Variants in USP10 observed in about 807,000 individuals in gnomAD.
USP10 encodes the protein ubiquitin specific peptidase 10.
A neutral mutation model predicts 84.5 loss-of-function variants in USP10; 22 were observed. That is an observed-to-expected ratio of 0.26 (90% confidence interval 0.19 to 0.37). USP10 has a LOEUF of 0.37. USP10 is among the 10% of genes least tolerant of loss of function. The pLI is 1.00. For synonymous variants in USP10, 454 were observed against 387.6 expected, an observed-to-expected ratio of 1.17 and a Z score of -2.01; for missense variants, 1,019 against 998.9, an observed-to-expected ratio of 1.02 and a Z score of -0.27.
intron 12 of USP10, among the ~76,000 whole-genome samples, chr16:84,774,560 T>C (rs1914787826): frequency 6.6e-6 from 1 of 151,458 alleles, no homozygotes; most frequent in Non-Finnish European, 1.5e-5. Flanking sequence ...AACCTCTGCC[T>C]CCCGGGTTCA....
intron 2 of USP10, among the ~76,000 whole-genome samples, chr16:84,739,916 A>G (rs117412146): frequency 6.6e-6 from 1 of 152,366 alleles, no homozygotes; most frequent in East Asian, 1.9e-4. Context: ...TAAGAGGTGC[A>G]GTCAGGAAGA....
chr16:84,759,498 T>A (rs563671385), intron 6 of USP10, 26 bp downstream of exon 6: 1 of 1,597,998 alleles, frequency 6.3e-7, no homozygotes, highest in Non-Finnish European at 8.6e-7. Context: ...AAAGATGTGT[T>A]AAGTGGTGGG....
At position 84,724,689 on chromosome 16, in the gene USP10, A is replaced by G. The variant is rs369455508; in HGVS notation, c.22-8746A>G. ...TTAGTTCAGCTTGCAGTTGGCTTGC[A>G]CTGTAATAAAACTGTAAATGTCACC... is the stretch of plus-strand genomic sequence containing the variant. On this transcript the variant is annotated intron_variant, in intron 1 of 13. Transcript: ENST00000219473. Among the ~76,000 whole-genome samples the G allele has an allele frequency of 6.6e-5, 10 of 152,286 alleles. 1 individual carries two copies. Among genetic ancestry groups the G allele is most frequent in the Admixed American group, 5.2e-4 (8 of 15,298 alleles).
intron 2 of USP10, among the ~76,000 whole-genome samples, chr16:84,735,203 G>A (rs369931502): frequency 0.13 from 8,439 of 65,986 alleles, 283 homozygotes; most frequent in Middle Eastern, 0.17. Flanking sequence ...GGTGGTGTGT[G>A]TGTGTGTGTG....
chr16:84,714,480 G>A (rs374200706), intron 1 of USP10, among the ~76,000 whole-genome samples: 4 of 151,602 alleles, frequency 2.6e-5, no homozygotes, highest in African/African-American at 9.7e-5. Context: ...CACCGTGCAC[G>A]GCTTTGCATT....
intron 4 of USP10, among the ~76,000 whole-genome samples, chr16:84,749,342 C>T (rs974936918): frequency 6.6e-6 from 1 of 152,132 alleles, no homozygotes; most frequent in Non-Finnish European, 1.5e-5. Context: ...ATTAAAAGAT[C>T]TGTTGATGTG....
intron 1 of USP10, among the ~76,000 whole-genome samples, chr16:84,728,076 T>C (rs1908744019): frequency 6.6e-6 from 1 of 152,344 alleles, no homozygotes; most frequent in East Asian, 1.9e-4. Context: ...CTCCCCTCTT[T>C]TGATAACATT....
chr16:84,733,614 G>A, intron 2 of USP10, 111 bp downstream of exon 2: 1 of 748,238 alleles, frequency 1.3e-6, no homozygotes, highest in Admixed American at 3.1e-5. Context: ...GAAAAGTATG[G>A]AGACTAATAT....
chr16:84,733,062 C>G (rs1215807417), intron 1 of USP10: 1 of 458,522 alleles, frequency 2.2e-6, no homozygotes, highest in East Asian at 6.9e-5. Context: ...GTATGTTTGG[C>G]AGAGAAAGCG....
intron 6 of USP10, 91 bp downstream of exon 6, chr16:84,759,563 C>T: frequency 1.7e-6 from 2 of 1,191,160 alleles, no homozygotes; most frequent in Non-Finnish European, 2.5e-6. Flanking sequence ...TCTTGATTTC[C>T]TGCAAATGAG....
intron 1 of USP10, among the ~76,000 whole-genome samples, chr16:84,724,685 T>G (rs1474582755): frequency 1.3e-5 from 2 of 152,202 alleles, no homozygotes; most frequent in African/African-American, 4.8e-5. Flanking sequence ...TGCAGTTGGC[T>G]TGCACTGTAA....
At chr16:84,778,629 T>C (rs574897752) in intron 13 of USP10, among the ~76,000 whole-genome samples, 3 of 152,188 alleles carry the variant, frequency 2.0e-5, no homozygotes, top group Non-Finnish European at 4.4e-5. Context: ...TGGGACATTT[T>C]AAATATGTGG....
intron 11 of USP10, among the ~76,000 whole-genome samples, chr16:84,770,607 C>G (rs1914333090): frequency 6.6e-6 from 1 of 151,840 alleles, no homozygotes; most frequent in Non-Finnish European, 1.5e-5. Flanking sequence ...CCCGTCTCTA[C>G]TAAAAATACA....
intron 1 of USP10, among the ~76,000 whole-genome samples, chr16:84,730,531 A>C (rs183358077): frequency 2.8e-3 from 434 of 152,322 alleles, no homozygotes; most frequent in African/African-American, 9.9e-3. Flanking sequence ...GAGAAAAAAA[A>C]CTCAGTGAAC....
At chr16:84,730,976 C>CTTTTTT (rs11401851) in intron 1 of USP10, among the ~76,000 whole-genome samples, 1 of 105,064 alleles carries the variant, frequency 9.5e-6, no homozygotes, top group African/African-American at 3.5e-5. Context: ...GCATTTCTAC[C>CTTTTTT]TTTTTTTTTT....
intron 10 of USP10, among the ~76,000 whole-genome samples, chr16:84,767,209 G>C (rs937216749): frequency 6.6e-6 from 1 of 151,900 alleles, no homozygotes; most frequent in Admixed American, 6.6e-5. Flanking sequence ...ATTTTATTCC[G>C]TTGAGAAACT....
chr16:84,739,664 T>A (rs1223351405), intron 2 of USP10, among the ~76,000 whole-genome samples: 2 of 152,170 alleles, frequency 1.3e-5, no homozygotes, highest in Admixed American at 1.3e-4. Context: ...GAAGAAAAAT[T>A]TAAGTTATTT....
At chr16:84,721,834 AC>A (rs759694457) in intron 1 of USP10, among the ~76,000 whole-genome samples, 8 of 152,246 alleles carry the variant, frequency 5.3e-5, no homozygotes, top group Non-Finnish European at 7.3e-5. Context: ...AGTAGCTGGG[AC>A]TACAGGCACA....
chr16:84,730,094 C>T (rs555696360), intron 1 of USP10, among the ~76,000 whole-genome samples: 3 of 152,260 alleles, frequency 2.0e-5, no homozygotes, highest in Non-Finnish European at 4.4e-5. Flanking sequence ...CTCCAAAAAA[C>T]GTGCTAGGAA....
Sources: allele counts gnomAD v4.1 joint callset (sites outside exome capture counted in the v4.1 genomes callset), GRCh38; gene constraint gnomAD v4.1.1; transcripts MANE v1.5; gene names NCBI Gene and HGNC (gene_info 2026-07-23, HGNC 2026-07-21).